Variants in HSD17B4 observed in about 807,000 individuals in gnomAD.
The protein encoded by HSD17B4 is peroxisomal multifunctional enzyme type 2.
In HSD17B4, 70 loss-of-function variants were observed where a neutral mutation model predicts 101.0. That is an observed-to-expected ratio of 0.69 (90% CI 0.57 to 0.85). The LOEUF is 0.85. Ranked by LOEUF, HSD17B4 falls within the 40% of genes least tolerant of loss-of-function variation. HSD17B4 has a pLI of 0.00. For synonymous variants in HSD17B4, 347 were observed against 297.1 expected (o/e 1.17, Z -1.73); for missense variants, 984 against 892.4 (o/e 1.10, Z -1.31).
chr5:119,457,123 A>G (rs1332154828), intron 2 of HSD17B4, among the ~76,000 whole-genome samples: 1 of 152,190 alleles, frequency 6.6e-6, no homozygotes, highest in Non-Finnish European at 1.5e-5. Context: ...GGACTGATCT[A>G]ATGTGCTTGA....
chr5:119,530,231 T>A (rs1429964746), intron 21 of HSD17B4: 1 of 444,762 alleles, frequency 2.2e-6, no homozygotes, highest in African/African-American at 2.0e-5. Flanking sequence ...AGTTTTAGAA[T>A]AAATAAATCA....
At position 119,542,277 on chromosome 5, in the gene HSD17B4, G is replaced by A; in HGVS notation, c.*283G>A. 1 of 265,492 alleles carries A rather than the reference G, an allele frequency of 3.8e-6. No homozygotes were observed. Among genetic ancestry groups the A allele is most frequent in the Non-Finnish European group, 7.2e-6 (1 of 138,984 alleles). The allele number at this position is 265,492 out of a possible 1,614,324, so 16.4% of individuals were successfully genotyped here. On this transcript the variant is annotated 3_prime_UTR_variant, in exon 24 of 24. Transcript: ENST00000510025. The stretch of plus-strand genomic sequence containing the variant: ...CAAGTCCTGTTTCCTTAGAATTTGT[G>A]ATAGCATTGATAAGTTGAAAGGAAA...
intron 23 of HSD17B4, among the ~76,000 whole-genome samples, chr5:119,536,874 A>C (rs1453748507): frequency 6.6e-6 from 1 of 152,162 alleles, no homozygotes. Context: ...AAATCATTGA[A>C]TATTGGAACT....
At chr5:119,480,408 G>A (rs1328360460) in intron 8 of HSD17B4, among the ~76,000 whole-genome samples, 1 of 152,058 alleles carries the variant, frequency 6.6e-6, no homozygotes, top group Non-Finnish European at 1.5e-5. Context: ...GTCCAGGGGA[G>A]ACATCACACA....
At chr5:119,519,229 A>G (rs1404839137) in intron 17 of HSD17B4, among the ~76,000 whole-genome samples, 1 of 152,238 alleles carries the variant, frequency 6.6e-6, no homozygotes, top group Non-Finnish European at 1.5e-5. Flanking sequence ...TTCCACTGCA[A>G]TAATCTAGAC....
chr5:119,456,013 C>T (rs1479725236), intron 1 of HSD17B4, among the ~76,000 whole-genome samples: 1 of 152,170 alleles, frequency 6.6e-6, no homozygotes, highest in Non-Finnish European at 1.5e-5. Flanking sequence ...GTCTCACTTA[C>T]ACCTTCTAAG....
intron 11 of HSD17B4, among the ~76,000 whole-genome samples, chr5:119,494,549 C>T (rs1052108988): frequency 2.0e-4 from 30 of 151,996 alleles, no homozygotes; most frequent in African/African-American, 7.3e-4. Context: ...CTTAATGCTT[C>T]TTTAGAAAAA....
chr5:119,526,875 T>C (rs1215374224), intron 19 of HSD17B4, among the ~76,000 whole-genome samples: 1 of 152,048 alleles, frequency 6.6e-6, no homozygotes, highest in African/African-American at 2.4e-5. Context: ...TGGTTTTATT[T>C]CTTGATTTGT....
In HSD17B4 at chr5:119,496,596, G is replaced by A. The variant is rs1350586752; in HGVS notation, c.922G>A (p.Val308Ile). 1 of 1,607,598 alleles carries A rather than the reference G, an allele frequency of 6.2e-7. No homozygotes were observed. Among genetic ancestry groups the A allele is most frequent in the Admixed American group, 1.7e-5 (1 of 59,992 alleles). Residue 308 changes from valine to isoleucine, a missense_variant, in exon 12 of 24, where the codon GTT becomes ATT. By Grantham distance (29) the Val-to-Ile change is conservative (BLOSUM62 3). Coordinates refer to ENST00000510025, the MANE Select transcript of HSD17B4 (RefSeq NM_000414.4). ...GAGTAAAATAGATTCAGAAGGAGGA[G>A]TTTCAGCAAATCATACTAGTCGTGC... ...VLSKIDSEGG[V>I]SANHTSRATS...
chr5:119,467,558 T>C (rs1443841586), intron 2 of HSD17B4, among the ~76,000 whole-genome samples: 2 of 152,240 alleles, frequency 1.3e-5, no homozygotes, highest in Admixed American at 6.5e-5. Flanking sequence ...TGTTTTTCTC[T>C]TTGCACTGTT....
In HSD17B4 at chr5:119,542,010, A is replaced by G; in HGVS notation, c.*16A>G. On this transcript the variant is annotated 3_prime_UTR_variant, in exon 24 of 24. Coordinates refer to ENST00000510025, the MANE Select transcript of HSD17B4 (RefSeq NM_000414.4). ...CAAGCTCTGAAGGGCACACTACACTATTAATAAAAATGGAATCATTAAATA... is the reference window on the plus strand; with the variant it reads ...CAAGCTCTGAAGGGCACACTACACTGTTAATAAAAATGGAATCATTAAATA... 6.6e-7 allele frequency: 1 copy of G among 1,520,718 alleles called. No individual in the cohort carries two copies. The highest frequency in any genetic ancestry group is 2.3e-5 in the East Asian group (1 of 44,356). 94.2% of individuals were successfully genotyped at this position (1,520,718 alleles called of 1,614,324 possible).
intron 17 of HSD17B4, among the ~76,000 whole-genome samples, chr5:119,521,597 C>G (rs962989635): frequency 6.6e-6 from 1 of 151,746 alleles, no homozygotes; most frequent in Non-Finnish European, 1.5e-5. Context: ...TGGTTCATTT[C>G]TGCCCTTTCT....
At chr5:119,512,449 A>T (rs772199455) in intron 16 of HSD17B4, among the ~76,000 whole-genome samples, 5 of 152,152 alleles carry the variant, frequency 3.3e-5, no homozygotes, top group Non-Finnish European at 7.4e-5. Context: ...CAGAGAAAAA[A>T]TGACTCATTA....
At chr5:119,460,277 A>G (rs2126629008) in intron 2 of HSD17B4, among the ~76,000 whole-genome samples, 1 of 152,332 alleles carries the variant, frequency 6.6e-6, no homozygotes, top group Middle Eastern at 3.4e-3. Flanking sequence ...AGGCACTGAT[A>G]CACTCTCCGC....
intron 8 of HSD17B4, among the ~76,000 whole-genome samples, chr5:119,487,750 G>A (rs1169970703): frequency 6.6e-6 from 1 of 152,032 alleles, no homozygotes; most frequent in African/African-American, 2.4e-5. Context: ...CCAAATCCCT[G>A]TACATAAATA....
chr5:119,490,478 T>TGCCTAC (rs1270432772), intron 9 of HSD17B4, among the ~76,000 whole-genome samples: 1 of 152,194 alleles, frequency 6.6e-6, no homozygotes, highest in Non-Finnish European at 1.5e-5. Flanking sequence ...AAATAAAAAT[T>TGCCTAC]GCCTACATTA....
intron 9 of HSD17B4, 146 bp from the exon 10 acceptor site, chr5:119,491,954 G>A (rs1035481661): frequency 2.7e-6 from 2 of 744,852 alleles, no homozygotes; most frequent in East Asian, 2.5e-5. Context: ...GGGGCCAGTG[G>A]ACTCTTACAG....
chr5:119,502,591 T>G (rs1182922934), intron 14 of HSD17B4, among the ~76,000 whole-genome samples: 1 of 150,976 alleles, frequency 6.6e-6, no homozygotes. Flanking sequence ...TAAATCTCTT[T>G]TAATTTTTTT....
At chr5:119,494,854 T>A (rs1750485577) in intron 11 of HSD17B4, among the ~76,000 whole-genome samples, 1 of 152,154 alleles carries the variant, frequency 6.6e-6, no homozygotes. Flanking sequence ...CAGAAATAGA[T>A]AACCAAATAA....
Sources: allele counts gnomAD v4.1 joint callset (sites outside exome capture counted in the v4.1 genomes callset), GRCh38; gene constraint gnomAD v4.1.1; transcripts MANE v1.5; gene names NCBI Gene and HGNC (gene_info 2026-07-23, HGNC 2026-07-21).